Variants in MGAM observed in about 807,000 individuals in gnomAD.
MGAM encodes maltase-glucoamylase.
MGAM carries 253 observed loss-of-function variants against 358.8 expected under a neutral mutation model. The observed-to-expected ratio is 0.71, with a 90% CI of 0.64 to 0.78. The LOEUF (loss-of-function observed/expected upper bound fraction) is 0.78. Among genes scored for constraint, MGAM ranks in the 30% least tolerant of loss-of-function variants. The pLI is 0.00. For synonymous variants in MGAM, 1,105 were observed against 1,227.1 expected (o/e 0.90, Z 2.08); for missense variants, 3,080 against 3,432.6 (o/e 0.90, Z 2.57).
At position 142,091,966 on chromosome 7, in the gene MGAM, G is replaced by T. The variant is rs112550292; in HGVS notation, c.6864G>T (p.Lys2288Asn). 9.8e-6 allele frequency: 15 copies of T among 1,538,128 alleles called. 1 individual carries two copies. Among genetic ancestry groups the T allele is most frequent in the African/African-American group, 9.4e-5 (7 of 74,454 alleles). ...FPDFFRNSTA[K>N]WWKREIEELY... ...ACTTTTTCCGTAATTCAACTGCCAAGTGGTGGAAGAGGGAAATAGAAGAAC... is the reference window on the plus strand; with the variant it reads ...ACTTTTTCCGTAATTCAACTGCCAATTGGTGGAAGAGGGAAATAGAAGAAC... Residue 2288 changes from lysine to asparagine, a missense_variant, in exon 58 of 71, where the codon AAG becomes AAT. By Grantham distance (94) the Lys-to-Asn change is moderately conservative. Transcript: ENST00000475668.
chr7:142,044,563 CG>C lies in MGAM; in HGVS notation c.2499-3221del, dbSNP rs1563154841. Among the ~76,000 whole-genome samples, 600 of 132,600 alleles carry C rather than the reference CG, an allele frequency of 4.5e-3. 1 individual carries two copies. Among genetic ancestry groups the C allele is most frequent in the African/African-American group, 0.014 (491 of 36,360 alleles). 87.0% of individuals were successfully genotyped at this position (132,600 alleles called of 152,430 possible). A position where few individuals can be genotyped will look rare whatever the true frequency, so the allele number is the denominator to read the frequency against. ...TGATATATAATGTATATTATATACA[CG>C]TGTAATATATGATATATAATGTATA... On this transcript the variant is annotated intron_variant, in intron 21 of 70. Coordinates refer to ENST00000475668, the MANE Select transcript of MGAM (RefSeq NM_001365693.1).
At chr7:142,006,921 T>C (rs1805209412) in intron 2 of MGAM, among the ~76,000 whole-genome samples, 1 of 152,162 alleles carries the variant, frequency 6.6e-6, no homozygotes, top group Non-Finnish European at 1.5e-5. Context: ...GCTGTGCGCT[T>C]CATCTTCAAT....
chr7:142,055,950 C>G lies in MGAM; in HGVS notation c.3484-50C>G, dbSNP rs567026184. The G allele has an allele frequency of 3.2e-6, 5 of 1,546,118 alleles. No homozygotes were observed. The East Asian group carries it at 1.2e-4, about 36-fold the overall frequency. On this transcript the variant is annotated intron_variant, in intron 28 of 70. Transcript: ENST00000475668. ...GCACATTTTTGTTGAGTTTCTTTCT[C>G]AGGCATAATGTCTTTTAAACTCCTA...
At position 142,065,773 on chromosome 7, in the gene MGAM, G is replaced by A. The variant is rs1812675481; in HGVS notation, c.4712G>A (p.Trp1571Ter). 3 of 1,556,082 alleles carry A rather than the reference G, an allele frequency of 1.9e-6. No individual in the cohort carries two copies. The highest frequency in any genetic ancestry group is 2.2e-5 in the South Asian group (2 of 89,196). ...GCTGAGTACGAGATGTGTGTTCGCTGGATGCAGCTGGGGGCCTTTTACCCC... is the reference window on the plus strand; with the variant it reads ...GCTGAGTACGAGATGTGTGTTCGCTAGATGCAGCTGGGGGCCTTTTACCCC... Reference protein sequence around the residue: ...QDAEYEMCVRWMQLGAFYPFS... With the variant: ...QDAEYEMCVR Residue 1571 changes from tryptophan (W) to a stop codon, truncating the protein, a stop_gained, in exon 40 of 71, where the codon TGG becomes TAG. Coordinates refer to ENST00000475668, the MANE Select transcript of MGAM (RefSeq NM_001365693.1). LOFTEE classifies it high-confidence loss of function.
rs782259332 is a variant in MGAM, at chr7:142,034,787, C to A, written c.1905C>A (p.Asp635Glu). 1 of 1,613,498 alleles carries A rather than the reference C, an allele frequency of 6.2e-7. No individual in the cohort carries two copies. The highest frequency in any genetic ancestry group is 1.7e-5 in the Admixed American group (1 of 59,966). The change falls in exon 16 of 71, where the codon GAC becomes GAA. Residue 635 changes from aspartate to glutamate, a missense_variant. By Grantham distance (45) the Asp-to-Glu change is conservative. This residue lies in a region of MGAM where 1,816 missense variants were observed against 1,840.5 expected (regional missense o/e 0.99). Transcript: ENST00000475668. ...GAGACAACACTGCCACCTGGGATGA[C>A]CTGAGATGGTCCATCCCTGGCGTGC... ...WLGDNTATWD[D>E]LRWSIPGVLE... is the part of the protein sequence containing the mutation.
rs765517688 is a variant in MGAM at position 142,092,179 on chromosome 7, C to T, written c.6945+132C>T. ...AGACTTTGGACATATCAGACACTTC[C>T]TCCTCTCAGGAGAGGAACAGCCCTG... is the stretch of plus-strand genomic sequence containing the variant. On this transcript the variant is annotated intron_variant, in intron 58 of 70. Coordinates refer to ENST00000475668, the MANE Select transcript of MGAM (RefSeq NM_001365693.1). 2.0e-5 allele frequency: 25 copies of T among 1,263,550 alleles called. 2 individuals are homozygous for T. Among genetic ancestry groups the T allele is most frequent in the Admixed American group, 2.7e-5 (1 of 36,500 alleles). The allele number at this position is 1,263,550 out of a possible 1,614,324, so 78.3% of individuals were successfully genotyped here.
intron 21 of MGAM, among the ~76,000 whole-genome samples, chr7:142,041,946 ATAC>A (rs1563144824): frequency 0.096 from 1,924 of 19,974 alleles, 108 homozygotes; most frequent in Non-Finnish European, 0.15. Flanking sequence ...TATTATATAT[ATAC>A]ATATATATAA....
In MGAM at chr7:142,099,606, C is replaced by T. The variant is rs747361019; in HGVS notation, c.7750-7C>T. On this transcript the variant is annotated splice_region_variant and splice_polypyrimidine_tract_variant and intron_variant, in intron 66 of 70. Coordinates refer to ENST00000475668, the MANE Select transcript of MGAM (RefSeq NM_001365693.1). ...CTTAGTCATCTCTTACCTTCTTCTG[C>T]CTCCAGGGTGTGGATATTAATGCAA... 111 of 1,613,714 alleles carry T rather than the reference C, an allele frequency of 6.9e-5. No homozygotes were observed. The highest frequency in any genetic ancestry group is 9.1e-5 in the Non-Finnish European group (107 of 1,179,780).
chr7:142,022,017 G>A (rs1364902966), intron 6 of MGAM, among the ~76,000 whole-genome samples: 5 of 151,510 alleles, frequency 3.3e-5, no homozygotes, highest in South Asian at 2.1e-4. Flanking sequence ...ATCTCCTATC[G>A]TAAGTATAGT....
intron 36 of MGAM, 89 bp from the exon 37 acceptor site, chr7:142,064,295 C>G: frequency 6.5e-7 from 1 of 1,534,712 alleles, no homozygotes; most frequent in Non-Finnish European, 8.8e-7. Flanking sequence ...TGAAGTTAGT[C>G]TTAAGATCCA....
intron 66 of MGAM, among the ~76,000 whole-genome samples, chr7:142,098,267 A>AAAGACTTATC (rs1296664022): frequency 6.6e-6 from 1 of 152,118 alleles, no homozygotes; most frequent in Non-Finnish European, 1.5e-5. Context: ...TATGTTCCCC[A>AAAGACTTATC]AAGACTTATC....
intron 63 of MGAM, 28 bp from the exon 64 acceptor site, chr7:142,095,537 T>C: frequency 6.2e-7 from 1 of 1,612,082 alleles, no homozygotes; most frequent in Non-Finnish European, 8.5e-7. Context: ...CAGGGCAAGC[T>C]CCCAACACTG....
Position 142,009,564 on chromosome 7 carries a change from T to C in MGAM, c.327+859T>C, listed in dbSNP as rs1308906006. 2.6e-5 allele frequency among the ~76,000 whole-genome samples: 4 copies of C among 152,328 alleles called. No homozygotes were observed. The East Asian group carries it at 5.8e-4, about 22-fold the overall frequency. On this transcript the variant is annotated intron_variant, in intron 3 of 70. Transcript: ENST00000475668. ...TCACTGGGTATTGGTGCACTTCAGA[T>C]ACAGCCATAGTAATGTTTCTTTGGT...
At chr7:141,990,181 C>G (rs1271642310) in intron 2 of MGAM, among the ~76,000 whole-genome samples, 5 of 152,186 alleles carry the variant, frequency 3.3e-5, no homozygotes, top group African/African-American at 9.7e-5. Context: ...CACTATTACC[C>G]CAGTGGCTTG....
rs1815879622 is a variant in MGAM, at chr7:142,096,099, A to G, written c.7608-232A>G. Reference sequence around the variant, plus strand: ...TTTGCCATGGTTGAGAAATGGGGCAAGTATTTTACAAGAGAGAATACATCT... The same window carrying G: ...TTTGCCATGGTTGAGAAATGGGGCAGGTATTTTACAAGAGAGAATACATCT... On this transcript the variant is annotated intron_variant, in intron 64 of 70. Transcript: ENST00000475668. 4 of 608,122 alleles carry G rather than the reference A, an allele frequency of 6.6e-6. No homozygotes were observed. The South Asian group carries it at 8.4e-5, about 13-fold the overall frequency. The allele number at this position is 608,122 out of a possible 1,614,324, so 37.7% of individuals were successfully genotyped here. A position where few individuals can be genotyped will look rare whatever the true frequency, so the allele number is the denominator to read the frequency against.
chr7:142,036,653 C>T lies in MGAM; in HGVS notation c.2077-170C>T, dbSNP rs545200984. On this transcript the variant is annotated intron_variant, in intron 17 of 70. Transcript: ENST00000475668. ...AAAGAATGAGGAAGGCAGGTTGAATCGAAAACTCAAGGAGAGACACTTGGT... is the reference window on the plus strand; with the variant it reads ...AAAGAATGAGGAAGGCAGGTTGAATTGAAAACTCAAGGAGAGACACTTGGT... 7.9e-5 allele frequency among the ~76,000 whole-genome samples: 12 copies of T among 152,290 alleles called. No individual in the cohort carries two copies. The South Asian group carries it at 2.1e-3, about 26-fold the overall frequency.
chr7:142,064,967 G>A (rs1812576067), intron 37 of MGAM, among the ~76,000 whole-genome samples: 1 of 152,172 alleles, frequency 6.6e-6, no homozygotes, highest in Admixed American at 6.5e-5. Context: ...GCACAGTCCT[G>A]CTTTGCAAGC....
At chr7:142,032,408 C>T (rs919658630) in intron 13 of MGAM, among the ~76,000 whole-genome samples, 16 of 152,032 alleles carry the variant, frequency 1.1e-4, no homozygotes, top group African/African-American at 3.1e-4. Flanking sequence ...CATTTATTAT[C>T]GATACGTTGG....
chr7:142,056,855 C>T lies in MGAM; in HGVS notation c.3606C>T (p.Ala1202=). The T allele has an allele frequency of 6.2e-7, 1 of 1,613,848 alleles. No individual in the cohort carries two copies. The highest frequency in any genetic ancestry group is 8.5e-7 in the Non-Finnish European group (1 of 1,179,828). ...ATGTGACGTTCCAGCCCCTGCCTGC[C>T]TTGACATACCGCACCACAGGGGGAG... ...AMDVTFQPLP[A]LTYRTTGGVL... The change falls in exon 30 of 71, where the codon GCC becomes GCT. Residue 1202 remains alanine (A), a synonymous_variant. Coordinates refer to ENST00000475668, the MANE Select transcript of MGAM (RefSeq NM_001365693.1).
Sources: gnomAD v4.1 joint callset for allele counts (sites outside exome capture counted in the v4.1 genomes callset) on GRCh38, gnomAD v4.1.1 for gene constraint, gnomAD v4.1.1 regional missense constraint, MANE v1.5 for transcripts, NCBI Gene and HGNC (gene_info 2026-07-23, HGNC 2026-07-21) for gene names.